The following PLCG2 variants were observed in gnomAD, a reference collection of about 807,000 sequenced individuals.
PLCG2 encodes 1-phosphatidylinositol 4,5-bisphosphate phosphodiesterase gamma-2.
A neutral mutation model predicts 175.6 loss-of-function variants in PLCG2; 69 were observed. The observed-to-expected ratio is 0.39, with a 90% CI of 0.32 to 0.48. The LOEUF is 0.48. Among genes scored for constraint, PLCG2 ranks in the 20% least tolerant of loss-of-function variants. The pLI is 0.91. For missense variants in PLCG2, 1,798 were observed against 1,650.9 expected (o/e 1.09, Z -1.54); for synonymous variants, 827 against 624.0 (o/e 1.33, Z -4.85).
Position 81,844,512 on chromosome 16 carries a change from G to C in PLCG2, c.194-9932G>C, listed in dbSNP as rs762760375. On this transcript the variant is annotated intron_variant, in intron 2 of 32. Coordinates refer to ENST00000564138, the MANE Select transcript of PLCG2 (RefSeq NM_002661.5). ...AATTTTTGTATTTTTGGTAGAGACA[G>C]GGTTTTGCCATGGTGGCCAGGCTGG... Among the ~76,000 whole-genome samples the C allele has an allele frequency of 3.6e-4, 54 of 151,990 alleles. 2 individuals carry two copies. Among genetic ancestry groups the C allele is most frequent in the Non-Finnish European group, 1.5e-5 (1 of 68,006 alleles).
chr16:81,753,461 C>G (rs62046370), intron 1 of PLCG2, among the ~76,000 whole-genome samples: 2,314 of 150,426 alleles, frequency 0.015, 37 homozygotes, highest in Non-Finnish European at 0.022. Flanking sequence ...CTCTGTTGCC[C>G]AAGCTGGAGT....
intron 18 of PLCG2, 53 bp downstream of exon 18, chr16:81,910,773 C>G (rs1909587841): frequency 6.5e-7 from 1 of 1,530,652 alleles, no homozygotes; most frequent in Non-Finnish European, 9.0e-7. Context: ...TTAGCTCCAC[C>G]AGGCAGAGAA....
chr16:81,887,632 G>C (rs1908435892), intron 9 of PLCG2, among the ~76,000 whole-genome samples: 1 of 152,152 alleles, frequency 6.6e-6, no homozygotes, highest in Non-Finnish European at 1.5e-5. Context: ...ATTTGTGTCT[G>C]TTCTTCTATT....
chr16:81,905,541 C>T, intron 15 of PLCG2, 34 bp downstream of exon 15: 2 of 1,447,242 alleles, frequency 1.4e-6, no homozygotes, highest in South Asian at 1.1e-5. Context: ...GCCACTGCGG[C>T]CACGCCCCTT....
chr16:81,919,399 G>C (rs1163691686), intron 19 of PLCG2, 85 bp from the exon 20 acceptor site: 5 of 1,018,618 alleles, frequency 4.9e-6, no homozygotes, highest in Non-Finnish European at 6.1e-6. Flanking sequence ...GGATAACTAG[G>C]TTGTATCTAA....
intron 1 of PLCG2, among the ~76,000 whole-genome samples, chr16:81,779,652 G>A (rs1173578029): frequency 6.6e-6 from 1 of 152,098 alleles, no homozygotes; most frequent in East Asian, 1.9e-4. Context: ...CCGGGCCGGC[G>A]CCACCTCTCC....
At chr16:81,800,115 G>A (rs1189128896) in intron 2 of PLCG2, among the ~76,000 whole-genome samples, 2 of 152,122 alleles carry the variant, frequency 1.3e-5, no homozygotes, top group African/African-American at 2.4e-5. Flanking sequence ...ATGAGGATTA[G>A]GGGAGTTAAT....
exon 1 of PLCG2, chr16:81,739,232 C>T (rs571553442): frequency 7.2e-5 from 11 of 152,086 alleles, no homozygotes; most frequent in African/African-American, 2.2e-4. Flanking sequence ...TTAGTTCACC[C>T]CTAGCTTCTC....
At chr16:81,901,781 T>G (rs1389106147) in intron 14 of PLCG2, among the ~76,000 whole-genome samples, 1 of 152,244 alleles carries the variant, frequency 6.6e-6, no homozygotes, top group Non-Finnish European at 1.5e-5. Flanking sequence ...TTATGGAGGT[T>G]ATTAGGTCTG....
chr16:81,876,030 T>C (rs1019763942), intron 7 of PLCG2, among the ~76,000 whole-genome samples: 1 of 143,490 alleles, frequency 7.0e-6, no homozygotes, highest in African/African-American at 2.6e-5. Context: ...TTTTTTTTTT[T>C]TTTTTTTGTT....
intron 2 of PLCG2, among the ~76,000 whole-genome samples, chr16:81,836,771 T>C (rs1478964733): frequency 6.6e-6 from 1 of 152,158 alleles, no homozygotes; most frequent in East Asian, 1.9e-4. Context: ...AGCCTGGCCA[T>C]TCAGGTTCAA....
At chr16:81,844,563 C>G (rs1906013198) in intron 2 of PLCG2, among the ~76,000 whole-genome samples, 1 of 152,138 alleles carries the variant, frequency 6.6e-6, no homozygotes, top group African/African-American at 2.4e-5. Flanking sequence ...TTCAAGTGAT[C>G]TGCTTGCCTA....
At chr16:81,868,187 C>G (rs1478334452) in intron 5 of PLCG2, among the ~76,000 whole-genome samples, 1 of 152,168 alleles carries the variant, frequency 6.6e-6, no homozygotes, top group Non-Finnish European at 1.5e-5. Context: ...GGGGGTCAAC[C>G]ATGTGTACTT....
chr16:81,829,583 C>G (rs1320022771), intron 2 of PLCG2, among the ~76,000 whole-genome samples: 1 of 152,246 alleles, frequency 6.6e-6, no homozygotes, highest in Non-Finnish European at 1.5e-5. Flanking sequence ...TACCACATCG[C>G]TATCAAAGTT....
chr16:81,883,294 G>C lies in PLCG2; in HGVS notation c.718G>C (p.Ala240Pro), dbSNP rs1908182698. 1 of 1,614,028 alleles carries C rather than the reference G, an allele frequency of 6.2e-7. No homozygotes were observed. The highest frequency in any genetic ancestry group is 1.3e-5 in the African/African-American group (1 of 74,916). ...LGNTDRPDAS[A>P]VYLHDFQRFL... ...GAACACTGACAGGCCGGATGCCTCT[G>C]CTGTTTACCTGCATGACTTCCAGAG... Residue 240 changes from alanine to proline, a missense_variant, in exon 9 of 33, where the codon GCT (alanine) becomes CCT (proline). Coordinates refer to ENST00000564138, the MANE Select transcript of PLCG2 (RefSeq NM_002661.5).
In PLCG2 at chr16:81,910,646, G is replaced by A. The variant is rs751368408; in HGVS notation, c.1860G>A (p.Thr620=). ...CCCTCATCCAGCACTACCGCGAGAC[G>A]CACCTGCGCTGCGCCGAGTTCGAGC... The part of the protein sequence containing the change: ...IYALIQHYRE[T]HLRCAEFELR... The change falls in exon 18 of 33, where the codon ACG becomes ACA. Residue 620 remains threonine (T), a synonymous_variant. Transcript: ENST00000564138. 8.7e-6 allele frequency: 14 copies of A among 1,613,764 alleles called. No individual in the cohort carries two copies. Among genetic ancestry groups the A allele is most frequent in the Middle Eastern group, 1.6e-4 (1 of 6,084 alleles).
At chr16:81,931,849 T>G (rs1910515726) in intron 25 of PLCG2, among the ~76,000 whole-genome samples, 195 bp downstream of exon 25, 1 of 152,168 alleles carries the variant, frequency 6.6e-6, no homozygotes, top group Non-Finnish European at 1.5e-5. Context: ...GGAGGTGCCC[T>G]GGGAAGGTGG....
intron 3 of PLCG2, chr16:81,857,991 C>G: frequency 2.3e-6 from 1 of 440,034 alleles, no homozygotes; most frequent in Non-Finnish European, 4.1e-6. Flanking sequence ...CCACCACTCC[C>G]TCCATTCTTA....
intron 2 of PLCG2, among the ~76,000 whole-genome samples, chr16:81,834,183 T>C (rs1905392988): frequency 6.6e-6 from 1 of 152,164 alleles, no homozygotes; most frequent in Non-Finnish European, 1.5e-5. Context: ...AAAATGGGGC[T>C]TTCTTCCCAA....
Sources: allele counts gnomAD v4.1 joint callset (sites outside exome capture counted in the v4.1 genomes callset), GRCh38; gene constraint gnomAD v4.1.1; transcripts MANE v1.5; gene names NCBI Gene and HGNC (gene_info 2026-07-23, HGNC 2026-07-21).